The following FAM124A variants were observed in gnomAD, a reference collection of about 807,000 sequenced individuals.
The protein encoded by FAM124A is protein FAM124A.
FAM124A carries 23 observed loss-of-function variants against 24.5 expected under a neutral mutation model. That is an observed-to-expected ratio of 0.94 (90% CI 0.68 to 1.33). The LOEUF is 1.33. Ranked by LOEUF, FAM124A falls within the 40% of genes most tolerant of loss-of-function variation. The pLI is 0.00. For missense variants in FAM124A, 623 were observed against 722.8 expected, an observed-to-expected ratio of 0.86 and a Z score of 1.58; for synonymous variants, 287 against 314.7, an observed-to-expected ratio of 0.91 and a Z score of 0.93.
intron 3 of FAM124A, among the ~76,000 whole-genome samples, chr13:51,261,168 G>C (rs1954732666): frequency 6.6e-6 from 1 of 152,098 alleles, no homozygotes; most frequent in Non-Finnish European, 1.5e-5. Flanking sequence ...ACTCCCGCTT[G>C]GGCTCTGGTA....
chr13:51,255,580 TTAGATGCACATA>T (rs1327811775), intron 3 of FAM124A, among the ~76,000 whole-genome samples: 2 of 152,190 alleles, frequency 1.3e-5, no homozygotes, highest in East Asian at 3.8e-4. Flanking sequence ...CAGCTATGCT[TTAGATGCACATA>T]TAGTCCCAGT....
At chr13:51,255,252 A>G (rs1368463047) in intron 3 of FAM124A, among the ~76,000 whole-genome samples, 1 of 152,220 alleles carries the variant, frequency 6.6e-6, no homozygotes, top group African/African-American at 2.4e-5. Flanking sequence ...TGATAGAAAA[A>G]TTAGATAAAC....
At chr13:51,245,786 A>G (rs556142549) in intron 2 of FAM124A, among the ~76,000 whole-genome samples, 4 of 152,232 alleles carry the variant, frequency 2.6e-5, no homozygotes, top group Non-Finnish European at 5.9e-5. Context: ...TAAATGAGAT[A>G]GTATACATAA....
At chr13:51,248,678 C>T (rs1235032913) in intron 2 of FAM124A, among the ~76,000 whole-genome samples, 3 of 152,176 alleles carry the variant, frequency 2.0e-5, no homozygotes, top group Admixed American at 6.5e-5. Context: ...GTTGGGAGCA[C>T]AGGGAGGCAA....
At chr13:51,256,920 A>G (rs1954681111) in intron 3 of FAM124A, among the ~76,000 whole-genome samples, 1 of 152,212 alleles carries the variant, frequency 6.6e-6, no homozygotes, top group African/African-American at 2.4e-5. Context: ...AGTACCTCAT[A>G]TAAGTGGGAT....
Position 51,281,411 on chromosome 13 carries a change from G to A in FAM124A, c.*155G>A. 1 of 636,130 alleles carries A rather than the reference G, an allele frequency of 1.6e-6. No individual in the cohort carries two copies. The highest frequency in any genetic ancestry group is 2.6e-6 in the Non-Finnish European group (1 of 391,018). The allele number at this position is 636,130 out of a possible 1,614,324, so 39.4% of individuals were successfully genotyped here. On this transcript the variant is annotated 3_prime_UTR_variant, in exon 4 of 4. Transcript: ENST00000322475. The stretch of plus-strand genomic sequence containing the variant: ...TACCACCCACTCTTAGCTGGGGGGT[G>A]GTATATCTCTAGAGACACAGCAGAA...
chr13:51,260,509 C>A (rs1250369708), intron 3 of FAM124A, among the ~76,000 whole-genome samples: 2 of 152,214 alleles, frequency 1.3e-5, no homozygotes, highest in Non-Finnish European at 2.9e-5. Flanking sequence ...ATGTTAATTG[C>A]ACGCTTAATA....
Position 51,231,352 on chromosome 13 carries a change from G to C in FAM124A, c.73G>C (p.Asp25His). 1.2e-6 allele frequency: 2 copies of C among 1,613,600 alleles called. No individual in the cohort carries two copies. The highest frequency in any genetic ancestry group is 1.7e-6 in the Non-Finnish European group (2 of 1,179,886). ...CGCTGAGGTCTTGTGTTTCAGGTCC[G>C]ACTACAGCCACCTGTCCTCCACGAG... ...VDSGAETGGS[D>H]YSHLSSTSSE... Residue 25 changes from aspartate to histidine, a missense_variant, in exon 2 of 4, where the codon GAC (aspartate) becomes CAC (histidine). Coordinates refer to ENST00000322475, the MANE Select transcript of FAM124A (RefSeq NM_001242312.2).
At chr13:51,249,423 G>A (rs576164274) in intron 2 of FAM124A, among the ~76,000 whole-genome samples, 23 of 152,310 alleles carry the variant, frequency 1.5e-4, no homozygotes, top group Non-Finnish European at 2.4e-4. Flanking sequence ...ACTTGACTCC[G>A]CTCTTACCTT....
At chr13:51,268,933 T>C (rs1954814472) in intron 3 of FAM124A, among the ~76,000 whole-genome samples, 1 of 152,200 alleles carries the variant, frequency 6.6e-6, no homozygotes, top group Non-Finnish European at 1.5e-5. Context: ...TCAAGAGAGA[T>C]GCACAATCCA....
At chr13:51,269,815 A>AT (rs1460240386) in intron 3 of FAM124A, among the ~76,000 whole-genome samples, 2 of 152,110 alleles carry the variant, frequency 1.3e-5, no homozygotes, top group East Asian at 1.9e-4. Context: ...TATTTTTTGG[A>AT]TTTTTTTCTG....
intron 2 of FAM124A, among the ~76,000 whole-genome samples, chr13:51,242,473 T>A (rs1207846798): frequency 1.3e-5 from 2 of 152,218 alleles, no homozygotes; most frequent in Non-Finnish European, 2.9e-5. Flanking sequence ...ATGCTAGATA[T>A]GTTTAAGTGT....
chr13:51,251,735 T>G lies in FAM124A; in HGVS notation c.368T>G (p.Leu123Arg). Residue 123 changes from leucine to arginine, a missense_variant, in exon 3 of 4, where the codon CTG (leucine) becomes CGG (arginine). By Grantham distance (102) the Leu-to-Arg change is moderately radical (BLOSUM62 -2). Transcript: ENST00000322475. This position sits in a 1 kb window ranked among gnomAD's most constrained non-coding sequence, Gnocchi z 5.3. Reference sequence around the variant, plus strand: ...CAGATCCTGCAGCTGCACCGCACACTGCAGCAGCCGCCCTGGCGCCACCAC... The same window carrying G: ...CAGATCCTGCAGCTGCACCGCACACGGCAGCAGCCGCCCTGGCGCCACCAC... ...EEQILQLHRT[L>R]QQPPWRHHHT... 6.3e-7 allele frequency: 1 copy of G among 1,585,074 alleles called. No individual in the cohort carries two copies. Among genetic ancestry groups the G allele is most frequent in the Non-Finnish European group, 8.6e-7 (1 of 1,167,322 alleles).
chr13:51,241,656 A>T (rs1005826943), intron 2 of FAM124A, among the ~76,000 whole-genome samples: 4 of 152,156 alleles, frequency 2.6e-5, no homozygotes, highest in African/African-American at 9.7e-5. Flanking sequence ...ACATTTTCTA[A>T]GGAGACTTAG....
intron 2 of FAM124A, 136 bp downstream of exon 2, chr13:51,231,515 G>A: frequency 2.2e-6 from 2 of 905,700 alleles, no homozygotes; most frequent in African/African-American, 1.7e-5. Context: ...TGTGGTACAG[G>A]ATGCTGTAAC....
chr13:51,253,981 C>G (rs546904103), intron 3 of FAM124A, among the ~76,000 whole-genome samples: 1 of 152,320 alleles, frequency 6.6e-6, no homozygotes, highest in South Asian at 2.1e-4. Context: ...AAGCAGGTTC[C>G]TGTTCAGCTG....
chr13:51,222,663 G>A (rs1310610660), intron 1 of FAM124A, 94 bp downstream of exon 1: 4 of 1,141,370 alleles, frequency 3.5e-6, no homozygotes, highest in East Asian at 6.9e-5. Context: ...TCCGTGCGAC[G>A]GGACCGGGGC....
chr13:51,238,601 T>C (rs1265817865), intron 2 of FAM124A, among the ~76,000 whole-genome samples: 1 of 152,228 alleles, frequency 6.6e-6, no homozygotes, highest in Non-Finnish European at 1.5e-5. Flanking sequence ...ATATCCCTTA[T>C]GAAGAGGGTA....
chr13:51,284,081 C>G lies in FAM124A; in HGVS notation c.*2825C>G, dbSNP rs960613015. On this transcript the variant is annotated 3_prime_UTR_variant, in exon 4 of 4. Coordinates refer to ENST00000322475, the MANE Select transcript of FAM124A (RefSeq NM_001242312.2). ...AGAGGGAATCACAGGAACACATTTACCAAAGCCTTCCCTTCCATTCCTGGC... is the reference window on the plus strand; with the variant it reads ...AGAGGGAATCACAGGAACACATTTAGCAAAGCCTTCCCTTCCATTCCTGGC... 6.6e-6 allele frequency: 1 copy of G among 152,212 alleles called. No homozygotes were observed. The allele number at this position is 152,212 out of a possible 1,614,324, so 9.4% of individuals were successfully genotyped here.
Sources: allele counts gnomAD v4.1 joint callset (sites outside exome capture counted in the v4.1 genomes callset), GRCh38; gene constraint gnomAD v4.1.1; non-coding constraint Gnocchi (gnomAD v3.1); transcripts MANE v1.5; gene names NCBI Gene and HGNC (gene_info 2026-07-23, HGNC 2026-07-21).